Variants in UMAD1 observed in about 807,000 individuals in gnomAD.
UMAD1 encodes the protein UBAP1-MVB12-associated (UMA) domain containing 1.
A neutral mutation model predicts 6.1 loss-of-function variants in UMAD1; 8 were observed. The ratio of observed to expected loss-of-function variants is 1.30; its 90% CI spans 0.76 to 2.35. The LOEUF (loss-of-function observed/expected upper bound fraction) is 2.35, where lower values mean the gene tolerates loss of function less well. Ranked by LOEUF, UMAD1 falls within the 30% of genes most tolerant of loss-of-function variation. The probability of loss-of-function intolerance (pLI) is 0.00; values close to 1 mark genes in which losing one functional copy is unlikely to be tolerated. For missense variants in UMAD1, 130 were observed against 78.4 expected (o/e 1.66, Z -2.49); for synonymous variants, 56 against 31.4 (o/e 1.78, Z -2.61).
chr7:7,696,729 C>A (rs1244911724), intron 2 of UMAD1, among the ~76,000 whole-genome samples: 1 of 152,140 alleles, frequency 6.6e-6, no homozygotes, highest in African/African-American at 2.4e-5. Context: ...AAAGTCAGCT[C>A]TCAATAGTGG....
In UMAD1 at chr7:7,808,520, C is replaced by T. The variant is rs146862154; in HGVS notation, c.156+6777C>T. The stretch of plus-strand genomic sequence containing the variant: ...TGGCTTTAAGGTGTATTTTGGGAAT[C>T]GAGAATGTTAGTTTTAGTTTTTAAT... On this transcript the variant is annotated intron_variant, in intron 3 of 3. Coordinates refer to ENST00000682710, the MANE Select transcript of UMAD1 (RefSeq NM_001302348.2). Among the ~76,000 whole-genome samples the T allele has an allele frequency of 1.3e-3, 200 of 151,964 alleles. 5 individuals are homozygous for T. In the East Asian group the frequency reaches 0.022, roughly 16 times the overall value.
chr7:7,683,816 T>C (rs1308522133), intron 2 of UMAD1, among the ~76,000 whole-genome samples: 1 of 152,056 alleles, frequency 6.6e-6, no homozygotes, highest in Non-Finnish European at 1.5e-5. Context: ...AGAGACAGGG[T>C]TTCACCATGT....
At position 7,780,093 on chromosome 7, in the gene UMAD1, C is replaced by CT. The variant is rs200602366; in HGVS notation, c.83-21576dup. ...GCCAAGGGGCATTATTGTTCTTTTT[C>CT]TGTATATTTCCTGTACATTTCCCTC... is the stretch of plus-strand genomic sequence containing the variant. On this transcript the variant is annotated intron_variant, in intron 2 of 3. Coordinates refer to ENST00000682710, the MANE Select transcript of UMAD1 (RefSeq NM_001302348.2). Among the ~76,000 whole-genome samples, 1,204 of 152,334 alleles carry CT rather than the reference C, an allele frequency of 7.9e-3. 13 individuals are homozygous for CT. Among genetic ancestry groups the CT allele is most frequent in the Non-Finnish European group, 0.013 (880 of 68,020 alleles).
chr7:7,792,338 A>G (rs1427114988), intron 2 of UMAD1, among the ~76,000 whole-genome samples: 1 of 152,240 alleles, frequency 6.6e-6, no homozygotes, highest in Non-Finnish European at 1.5e-5. Flanking sequence ...CTCCTGGGCA[A>G]GCCATGTCTT....
At chr7:7,723,629 T>G (rs1455454301) in intron 2 of UMAD1, among the ~76,000 whole-genome samples, 1 of 152,206 alleles carries the variant, frequency 6.6e-6, no homozygotes, top group Non-Finnish European at 1.5e-5. Context: ...CCTGTATCTT[T>G]CAAGAGCCCG....
intron 3 of UMAD1, among the ~76,000 whole-genome samples, chr7:7,827,495 G>A (rs1348601376): frequency 1.3e-5 from 2 of 151,894 alleles, no homozygotes; most frequent in African/African-American, 4.8e-5. Context: ...TTTATCCACA[G>A]TTTTAAAATT....
At position 7,673,859 on chromosome 7, in the gene UMAD1, A is replaced by C. The variant is rs187034012; in HGVS notation, c.82+406A>C. Among the ~76,000 whole-genome samples the C allele has an allele frequency of 1.8e-3, 279 of 152,326 alleles. 2 individuals are homozygous for C. The highest frequency in any genetic ancestry group is 0.018 in the South Asian group (87 of 4,832). ...AATAAATATTTGCTGAATGAAGTAG[A>C]CTTTAAAATCTAAATATGTTAAATA... On this transcript the variant is annotated intron_variant, in intron 2 of 3. Coordinates refer to ENST00000682710, the MANE Select transcript of UMAD1 (RefSeq NM_001302348.2).
chr7:7,810,997 C>T (rs1462062860), intron 3 of UMAD1, among the ~76,000 whole-genome samples: 1 of 152,140 alleles, frequency 6.6e-6, no homozygotes, highest in African/African-American at 2.4e-5. Flanking sequence ...TTCTTCCTAT[C>T]TCTTTGGAAA....
At chr7:7,823,569 CAT>C (rs1168057121) in intron 3 of UMAD1, among the ~76,000 whole-genome samples, 2 of 152,062 alleles carry the variant, frequency 1.3e-5, no homozygotes, top group Non-Finnish European at 2.9e-5. Context: ...CATTTGTCCA[CAT>C]GTCTTTTGGG....
intron 2 of UMAD1, among the ~76,000 whole-genome samples, chr7:7,684,513 C>T (rs1185525536): frequency 6.6e-6 from 1 of 152,050 alleles, no homozygotes; most frequent in African/African-American, 2.4e-5. Flanking sequence ...TTGGCAACCA[C>T]AAGCAATTTT....
chr7:7,764,782 C>G (rs1781953887), intron 2 of UMAD1, among the ~76,000 whole-genome samples: 1 of 152,188 alleles, frequency 6.6e-6, no homozygotes, highest in Non-Finnish European at 1.5e-5. Context: ...TATGTCTTGG[C>G]AAGGTACCCT....
At chr7:7,848,692 A>G (rs1191452423) in intron 3 of UMAD1, among the ~76,000 whole-genome samples, 1 of 152,146 alleles carries the variant, frequency 6.6e-6, no homozygotes, top group Non-Finnish European at 1.5e-5. Flanking sequence ...GAAAGCCAGT[A>G]AATAATTATA....
chr7:7,691,323 T>G (rs1780167156), intron 2 of UMAD1, among the ~76,000 whole-genome samples: 1 of 152,240 alleles, frequency 6.6e-6, no homozygotes, highest in Non-Finnish European at 1.5e-5. Flanking sequence ...ATAACTGTTC[T>G]TTAGATATTT....
intron 3 of UMAD1, among the ~76,000 whole-genome samples, chr7:7,876,634 G>C (rs1053400549): frequency 1.3e-5 from 2 of 152,082 alleles, no homozygotes; most frequent in African/African-American, 4.8e-5. Context: ...TGACATAACA[G>C]GTTAGTTCCA....
rs527278429 is a variant in UMAD1, at chr7:7,728,213, T to C, written c.82+54760T>C. 2.6e-5 allele frequency among the ~76,000 whole-genome samples: 4 copies of C among 152,326 alleles called. No homozygotes were observed. In the South Asian group the frequency reaches 8.3e-4, roughly 32 times the overall value. The stretch of plus-strand genomic sequence containing the variant: ...TTGGCTTTAACTGTAGGAATCTTTA[T>C]AGTCAACTTGACATAAAGATCTAGG... On this transcript the variant is annotated intron_variant, in intron 2 of 3. Coordinates refer to ENST00000682710, the MANE Select transcript of UMAD1 (RefSeq NM_001302348.2).
chr7:7,840,552 G>A (rs1438166551), intron 3 of UMAD1, among the ~76,000 whole-genome samples: 1 of 128,388 alleles, frequency 7.8e-6, no homozygotes, highest in Non-Finnish European at 1.7e-5. Flanking sequence ...TGTAGACTGG[G>A]GGACTATGGG....
intron 2 of UMAD1, among the ~76,000 whole-genome samples, chr7:7,692,050 T>C (rs1398154106): frequency 6.6e-6 from 1 of 152,232 alleles, no homozygotes; most frequent in South Asian, 2.1e-4. Context: ...TACAGTATGT[T>C]GATAACTGCA....
At chr7:7,672,599 A>C (rs1415483635) in intron 1 of UMAD1, among the ~76,000 whole-genome samples, 1 of 152,124 alleles carries the variant, frequency 6.6e-6, no homozygotes, top group Non-Finnish European at 1.5e-5. Context: ...TGTTCTCGTG[A>C]TAGTGAGTGA....
At chr7:7,676,793 G>T (rs1036479705) in intron 2 of UMAD1, among the ~76,000 whole-genome samples, 1 of 152,164 alleles carries the variant, frequency 6.6e-6, no homozygotes, top group African/African-American at 2.4e-5. Context: ...ACATCCTTCA[G>T]TGGTGAAGAA....
Sources: gnomAD v4.1 joint callset for allele counts (sites outside exome capture counted in the v4.1 genomes callset) on GRCh38, gnomAD v4.1.1 for gene constraint, MANE v1.5 for transcripts, NCBI Gene and HGNC (gene_info 2026-07-23, HGNC 2026-07-21) for gene names.